The following PRKG1 variants were observed in gnomAD, a reference collection of about 807,000 sequenced individuals.
The protein encoded by PRKG1 is cGMP-dependent protein kinase 1.
In PRKG1, 35 loss-of-function variants were observed where a neutral mutation model predicts 88.1. The ratio of observed to expected loss-of-function variants is 0.40; its 90% CI spans 0.30 to 0.53. PRKG1 has a LOEUF of 0.53. Among genes scored for constraint, PRKG1 ranks in the 20% least tolerant of loss-of-function variants. The pLI is 0.59. For missense variants in PRKG1, 540 were observed against 839.8 expected, an observed-to-expected ratio of 0.64 and a Z score of 4.41; for synonymous variants, 303 against 292.5, an observed-to-expected ratio of 1.04 and a Z score of -0.37.
intron 8 of PRKG1, among the ~76,000 whole-genome samples, chr10:52,155,247 G>T (rs771944734): frequency 5.9e-5 from 9 of 151,932 alleles, no homozygotes; most frequent in Admixed American, 2.6e-4. Context: ...TTCCATAGTG[G>T]TTATACTAGT....
intron 2 of PRKG1, among the ~76,000 whole-genome samples, chr10:51,224,254 C>A (rs1838629045): frequency 6.6e-6 from 1 of 152,172 alleles, no homozygotes; most frequent in African/African-American, 2.4e-5. Flanking sequence ...GTTTAGGTAT[C>A]ATCAGCATCA....
intron 7 of PRKG1, 55 bp from the exon 8 acceptor site, chr10:52,133,785 A>G: frequency 7.0e-7 from 1 of 1,418,980 alleles, no homozygotes; most frequent in Non-Finnish European, 9.9e-7. Flanking sequence ...CACAATGGAC[A>G]CTGTGCTTTG....
chr10:52,210,316 T>TAAA (rs1839934440), intron 9 of PRKG1, among the ~76,000 whole-genome samples: 1 of 151,828 alleles, frequency 6.6e-6, no homozygotes, highest in Non-Finnish European at 1.5e-5. Context: ...CACTAGATCT[T>TAAA]ATTTTAGTTT....
In PRKG1 at chr10:51,324,831, A is replaced by G. The variant is rs190631057; in HGVS notation, c.479-142892A>G. Among the ~76,000 whole-genome samples the G allele has an allele frequency of 3.2e-4, 49 of 152,340 alleles. 1 individual carries two copies. The highest frequency in any genetic ancestry group is 1.0e-3 in the African/African-American group (43 of 41,582). ...CTTATGTTGCTTCCATATCTTGACTATTGTGAATAATGCTGCAGTAAACAT... is the reference window on the plus strand; with the variant it reads ...CTTATGTTGCTTCCATATCTTGACTGTTGTGAATAATGCTGCAGTAAACAT... On this transcript the variant is annotated intron_variant, in intron 2 of 17. Transcript: ENST00000373980.
intron 1 of PRKG1, among the ~76,000 whole-genome samples, chr10:51,011,876 G>T (rs779030527): frequency 6.6e-6 from 1 of 152,178 alleles, no homozygotes; most frequent in African/African-American, 2.4e-5. Flanking sequence ...AGAAAAAGAG[G>T]TTTAACGGAC....
chr10:52,175,885 T>G (rs1311679331), intron 9 of PRKG1, among the ~76,000 whole-genome samples: 2 of 152,182 alleles, frequency 1.3e-5, no homozygotes, highest in East Asian at 3.8e-4. Context: ...TTGTGTATTT[T>G]GGATAGTAAT....
chr10:51,844,206 C>T (rs1589345678), intron 4 of PRKG1, among the ~76,000 whole-genome samples: 1 of 152,052 alleles, frequency 6.6e-6, no homozygotes, highest in Admixed American at 6.6e-5. Flanking sequence ...AGCCATAATT[C>T]TAATGATAGG....
intron 1 of PRKG1, among the ~76,000 whole-genome samples, chr10:51,063,742 G>A (rs1843718268): frequency 1.3e-5 from 2 of 152,086 alleles, no homozygotes; most frequent in Admixed American, 1.3e-4. Flanking sequence ...TTGAGGATCT[G>A]CTAATTAATG....
At chr10:51,962,587 T>C (rs182023860) in intron 5 of PRKG1, among the ~76,000 whole-genome samples, 42 of 152,316 alleles carry the variant, frequency 2.8e-4, no homozygotes, top group Non-Finnish European at 5.7e-4. Flanking sequence ...CCTGTGTTCA[T>C]TGAGACTAAA....
At chr10:51,705,388 G>A (rs181341626) in intron 3 of PRKG1, among the ~76,000 whole-genome samples, 3 of 152,222 alleles carry the variant, frequency 2.0e-5, no homozygotes, top group Admixed American at 2.0e-4. Flanking sequence ...ATTAATACAA[G>A]ATCATCTTAC....
intron 8 of PRKG1, among the ~76,000 whole-genome samples, chr10:52,146,612 T>G (rs918948893): frequency 6.6e-6 from 1 of 152,202 alleles, no homozygotes; most frequent in Non-Finnish European, 1.5e-5. Flanking sequence ...CAAAGCCTAT[T>G]ATAGCACATA....
intron 3 of PRKG1, among the ~76,000 whole-genome samples, chr10:51,672,014 T>C (rs1034353179): frequency 1.3e-5 from 2 of 151,684 alleles, no homozygotes; most frequent in Non-Finnish European, 2.9e-5. Flanking sequence ...TTTAACCCAG[T>C]ACAGTGTTGT....
At chr10:51,247,126 G>T (rs547698788) in intron 2 of PRKG1, among the ~76,000 whole-genome samples, 2 of 151,956 alleles carry the variant, frequency 1.3e-5, no homozygotes, top group Non-Finnish European at 2.9e-5. Context: ...TGGCTGGTAA[G>T]ACTGTGAAAG....
At chr10:51,296,820 T>C (rs1840732996) in intron 2 of PRKG1, among the ~76,000 whole-genome samples, 3 of 152,134 alleles carry the variant, frequency 2.0e-5, no homozygotes, top group Admixed American at 6.5e-5. Context: ...ATTTTTGTTT[T>C]CATTTGCTCT....
intron 2 of PRKG1, among the ~76,000 whole-genome samples, chr10:51,229,949 GA>G (rs1256160300): frequency 1.6e-5 from 2 of 126,984 alleles, no homozygotes; most frequent in Admixed American, 1.5e-4. Context: ...AAAAAAAAAA[GA>G]AAAAGAAAAA....
chr10:51,846,102 T>G (rs1331256176), intron 4 of PRKG1, among the ~76,000 whole-genome samples: 1 of 152,112 alleles, frequency 6.6e-6, no homozygotes, highest in Non-Finnish European at 1.5e-5. Context: ...CCCAAACAGA[T>G]GTTTAGATGT....
chr10:51,392,275 G>T (rs917925505), intron 2 of PRKG1, among the ~76,000 whole-genome samples: 19 of 151,956 alleles, frequency 1.3e-4, no homozygotes, highest in Admixed American at 4.6e-4. Context: ...AGAGGACCCT[G>T]CGGCCTTCCG....
At chr10:52,176,231 T>C (rs1258478208) in intron 9 of PRKG1, among the ~76,000 whole-genome samples, 1 of 142,622 alleles carries the variant, frequency 7.0e-6, no homozygotes, top group Non-Finnish European at 1.5e-5. Flanking sequence ...TCATTCTGCA[T>C]ATTGGTACCC....
chr10:51,353,197 A>G (rs1842291129), intron 2 of PRKG1, among the ~76,000 whole-genome samples: 2 of 152,204 alleles, frequency 1.3e-5, no homozygotes, highest in Admixed American at 1.3e-4. Flanking sequence ...AACTACCACA[A>G]GAAAACACTG....
Sources: allele counts gnomAD v4.1 joint callset (sites outside exome capture counted in the v4.1 genomes callset), GRCh38; gene constraint gnomAD v4.1.1; transcripts MANE v1.5; gene names NCBI Gene and HGNC (gene_info 2026-07-23, HGNC 2026-07-21).